Variants in VIPR1 observed in about 807,000 individuals in gnomAD.
VIPR1 encodes the protein vasoactive intestinal peptide receptor 1, also known as vasoactive intestinal polypeptide receptor 1.
In VIPR1, 59 loss-of-function variants were observed where a neutral mutation model predicts 58.8. The ratio of observed to expected loss-of-function variants is 1.00; its 90% CI spans 0.81 to 1.25. VIPR1 has a LOEUF of 1.25. VIPR1 is among the 50% of genes most tolerant of loss of function. VIPR1 has a pLI of 0.00. For synonymous variants in VIPR1, 251 were observed against 242.1 expected (o/e 1.04, Z -0.34); for missense variants, 626 against 602.7 (o/e 1.04, Z -0.40).
Position 42,537,131 on chromosome 3 carries a change from C to T in VIPR1, c.*850C>T, listed in dbSNP as rs1701904400. On this transcript the variant is annotated 3_prime_UTR_variant, in exon 13 of 13. Transcript: ENST00000325123. ...GGAAGCAACAGGAATCAAGAGCTGC[C>T]CTCCTTGTCCACCCACCTATGTGCC... 6.6e-6 allele frequency: 1 copy of T among 152,268 alleles called. No individual in the cohort carries two copies. Among genetic ancestry groups the T allele is most frequent in the Non-Finnish European group, 1.5e-5 (1 of 68,074 alleles). 9.4% of individuals were successfully genotyped at this position (152,268 alleles called of 1,614,324 possible).
At chr3:42,505,988 G>T in intron 1 of VIPR1, among the ~76,000 whole-genome samples, 1 of 152,208 alleles carries the variant, frequency 6.6e-6, no homozygotes, top group South Asian at 2.1e-4. Context: ...TTTGAAGGAG[G>T]TAAAGGTTGT....
At chr3:42,493,721 T>A (rs949502455) in intron 1 of VIPR1, among the ~76,000 whole-genome samples, 1 of 152,198 alleles carries the variant, frequency 6.6e-6, no homozygotes, top group Admixed American at 6.5e-5. Context: ...GAAAGTTAAA[T>A]AGATACTCCC....
At chr3:42,502,512 C>T (rs997520778), upstream of VIPR1, 3 of 358,460 alleles carry the variant, frequency 8.4e-6, no homozygotes, top group Admixed American at 4.7e-5. Context: ...CCCAGCCCCG[C>T]CCCATACCTG....
chr3:42,493,551 G>A (rs1425453966), intron 1 of VIPR1, among the ~76,000 whole-genome samples: 1 of 152,188 alleles, frequency 6.6e-6, no homozygotes, highest in East Asian at 1.9e-4. Flanking sequence ...GATTAGAGCT[G>A]GGCTTCCCCA....
chr3:42,531,679 C>A, intron 8 of VIPR1, 124 bp from the exon 9 acceptor site: 1 of 1,547,396 alleles, frequency 6.5e-7, no homozygotes, highest in South Asian at 1.1e-5. Flanking sequence ...TGGGGAGCAA[C>A]AGACTCTGGG....
rs1701337388 is a variant in VIPR1 at position 42,528,137 on chromosome 3, C to T, written c.636+14C>T. On this transcript the variant is annotated intron_variant, in intron 6 of 12. Coordinates refer to ENST00000325123, the MANE Select transcript of VIPR1 (RefSeq NM_004624.4). ...TCCGAGGGCTCGGTGAGGATCCTGGCCCTGGCCCACCTCCCTCAGTCTCGC... is the reference window on the plus strand; with the variant it reads ...TCCGAGGGCTCGGTGAGGATCCTGGTCCTGGCCCACCTCCCTCAGTCTCGC... The T allele has an allele frequency of 6.2e-7, 1 of 1,611,190 alleles. No individual in the cohort carries two copies. Among genetic ancestry groups the T allele is most frequent in the East Asian group, 2.2e-5 (1 of 44,828 alleles).
chr3:42,512,163 G>A (rs140254806), intron 1 of VIPR1: 51 of 152,410 alleles, frequency 3.3e-4, no homozygotes, highest in African/African-American at 1.2e-3. Context: ...TCTGGATGCT[G>A]GGGAAATCTA....
chr3:42,504,835 G>A (rs1421545421), intron 1 of VIPR1, among the ~76,000 whole-genome samples: 2 of 147,044 alleles, frequency 1.4e-5, no homozygotes, highest in Non-Finnish European at 3.0e-5. Flanking sequence ...AAGGCCCAAG[G>A]CCTTATCACT....
At chr3:42,513,555 G>C in intron 1 of VIPR1, 194 bp from the exon 2 acceptor site, 1 of 561,542 alleles carries the variant, frequency 1.8e-6, no homozygotes, top group Non-Finnish European at 3.1e-6. Context: ...CAGGGTCCTC[G>C]GGGCCGACCC....
intron 2 of VIPR1, among the ~76,000 whole-genome samples, chr3:42,517,762 G>A (rs931497442): frequency 3.9e-5 from 6 of 152,160 alleles, no homozygotes; most frequent in Non-Finnish European, 8.8e-5. Context: ...AATCACCTGG[G>A]GTCAGGAGTT....
chr3:42,496,266 C>T (rs1699759575), intron 1 of VIPR1, among the ~76,000 whole-genome samples: 1 of 152,142 alleles, frequency 6.6e-6, no homozygotes, highest in Admixed American at 6.5e-5. Context: ...ATTCCATTCC[C>T]CTCCCTCTCT....
chr3:42,522,099 ATAT>A (rs1348464665), intron 3 of VIPR1, among the ~76,000 whole-genome samples: 104 of 55,534 alleles, frequency 1.9e-3, no homozygotes, highest in Non-Finnish European at 2.5e-3. Context: ...ATATATATAT[ATAT>A]TTTTTTTTTT....
chr3:42,525,839 C>T (rs541673221), intron 3 of VIPR1, 48 bp from the exon 4 acceptor site: 1 of 1,528,808 alleles, frequency 6.5e-7, no homozygotes, highest in East Asian at 2.4e-5. Flanking sequence ...AGCCAGGTCC[C>T]CATGCTCCCG....
At chr3:42,511,650 G>T (rs1372662728) in intron 1 of VIPR1, 1 of 152,268 alleles carries the variant, frequency 6.6e-6, no homozygotes, top group African/African-American at 2.4e-5. Flanking sequence ...ATCAGGAGAC[G>T]CTGGGAAGGG....
intron 2 of VIPR1, among the ~76,000 whole-genome samples, chr3:42,518,990 G>A (rs534402344): frequency 2.0e-5 from 3 of 152,292 alleles, no homozygotes; most frequent in Non-Finnish European, 2.9e-5. Context: ...CCCAGGGGGC[G>A]CTCCATCCCT....
chr3:42,531,886 C>T lies in VIPR1; in HGVS notation c.918+17C>T, dbSNP rs370668100. The stretch of plus-strand genomic sequence containing the variant: ...TCCATCTTGGTAAGATACCCTCCCA[C>T]CACCTAGAGATGGGGAAACAGGCCC... On this transcript the variant is annotated intron_variant, in intron 9 of 12. Coordinates refer to ENST00000325123, the MANE Select transcript of VIPR1 (RefSeq NM_004624.4). 3 of 1,613,836 alleles carry T rather than the reference C, an allele frequency of 1.9e-6. No individual in the cohort carries two copies. Among genetic ancestry groups the T allele is most frequent in the Non-Finnish European group, 2.5e-6 (3 of 1,179,814 alleles).
At chr3:42,498,723 A>G (rs1699812087), upstream of VIPR1, among the ~76,000 whole-genome samples, 1 of 152,102 alleles carries the variant, frequency 6.6e-6, no homozygotes, top group Non-Finnish European at 1.5e-5. Context: ...GATCCCCCAC[A>G]ATCCCACACC....
chr3:42,499,879 A>T (rs1699834890), upstream of VIPR1, among the ~76,000 whole-genome samples: 1 of 151,736 alleles, frequency 6.6e-6, no homozygotes, highest in African/African-American at 2.4e-5. Flanking sequence ...CCCACGGTTG[A>T]CCCCCTTCCC....
chr3:42,507,068 C>G (rs1700150315), intron 1 of VIPR1: 1 of 152,072 alleles, frequency 6.6e-6, no homozygotes, highest in Non-Finnish European at 1.5e-5. Flanking sequence ...GACCTTTTAC[C>G]CCAAATCATT....
Sources: allele counts gnomAD v4.1 joint callset (sites outside exome capture counted in the v4.1 genomes callset), GRCh38; gene constraint gnomAD v4.1.1; transcripts MANE v1.5; gene names NCBI Gene and HGNC (gene_info 2026-07-23, HGNC 2026-07-21).